Variants in PCDHGA8 observed in about 807,000 individuals in gnomAD.
PCDHGA8 encodes the protein protocadherin gamma subfamily A, 8, also known as protocadherin gamma-A8.
A neutral mutation model predicts 59.2 loss-of-function variants in PCDHGA8; 45 were observed. The ratio of observed to expected loss-of-function variants is 0.76; its 90% CI spans 0.60 to 0.98. PCDHGA8 has a LOEUF of 0.98. Among genes scored for constraint, PCDHGA8 ranks in the 50% least tolerant of loss-of-function variants. The probability of loss-of-function intolerance (pLI) is 0.00; values close to 1 mark genes in which losing one functional copy is unlikely to be tolerated. For missense variants in PCDHGA8, 1,257 were observed against 1,196.2 expected (o/e 1.05, Z -0.75); for synonymous variants, 531 against 519.0 (o/e 1.02, Z -0.32).
intron 1 of PCDHGA8, chr5:141,419,265 C>G: frequency 6.2e-7 from 1 of 1,614,040 alleles, no homozygotes; most frequent in Non-Finnish European, 8.5e-7. Context: ...CAGCCGGGTG[C>G]CTCCATAGCG....
intron 1 of PCDHGA8, among the ~76,000 whole-genome samples, chr5:141,472,042 T>C (rs2099270232): frequency 2.0e-5 from 3 of 152,146 alleles, no homozygotes; most frequent in African/African-American, 7.2e-5. Context: ...TGTGAAAAGA[T>C]TTTAAAAATG....
rs113107293 is a variant in PCDHGA8, at chr5:141,432,844, A to G, written c.2424+37607A>G. ...CAGACCTCACTCTGTACCTGGTGGTAGCGGTGGCCGCGGTCTCCTGCGTCT... is the reference window on the plus strand; with the variant it reads ...CAGACCTCACTCTGTACCTGGTGGTGGCGGTGGCCGCGGTCTCCTGCGTCT... On this transcript the variant is annotated intron_variant, in intron 1 of 3. Coordinates refer to ENST00000398604, the MANE Select transcript of PCDHGA8 (RefSeq NM_032088.2). This position sits in a 1 kb window ranked among gnomAD's most constrained non-coding sequence, Gnocchi z 6.0. 0.01 allele frequency: 16,860 copies of G among 1,614,178 alleles called. 121 individuals carry two copies. Among genetic ancestry groups the G allele is most frequent in the Non-Finnish European group, 0.012 (14,441 of 1,180,006 alleles).
intron 1 of PCDHGA8, chr5:141,428,279 C>A: frequency 2.7e-6 from 2 of 753,232 alleles, no homozygotes; most frequent in South Asian, 3.0e-5. Context: ...CCCTCTGATT[C>A]CCAAGCAAAG....
At chr5:141,414,829 T>C (rs746789783) in intron 1 of PCDHGA8, 18 of 1,614,078 alleles carry the variant, frequency 1.1e-5, no homozygotes, top group Non-Finnish European at 1.5e-5. Context: ...CAACGTGTCG[T>C]TGAGCCTGTT....
At chr5:141,419,528 G>A (rs966922299) in intron 1 of PCDHGA8, 10 of 1,612,056 alleles carry the variant, frequency 6.2e-6, no homozygotes, top group Admixed American at 1.7e-5. Flanking sequence ...CGACCGTAAC[G>A]ACAACGCACC....
At position 141,486,112 on chromosome 5, in the gene PCDHGA8, G is replaced by A; in HGVS notation, c.2425-8695G>A. ...TGGGGCCCCTAGACTTTGAGAGTGA[G>A]AATTACTATGAATTTGATGTGCGGG... On this transcript the variant is annotated intron_variant, in intron 1 of 3. Transcript: ENST00000398604. This position sits in a 1 kb window ranked among gnomAD's most constrained non-coding sequence, Gnocchi z 5.0. 1 of 1,614,166 alleles carries A rather than the reference G, an allele frequency of 6.2e-7. No homozygotes were observed. Among genetic ancestry groups the A allele is most frequent in the Non-Finnish European group, 8.5e-7 (1 of 1,180,024 alleles).
chr5:141,398,832 C>T (rs967769671), intron 1 of PCDHGA8: 3 of 1,614,000 alleles, frequency 1.9e-6, no homozygotes, highest in Non-Finnish European at 1.7e-6. Flanking sequence ...TAACCGACGC[C>T]AATGATAATC....
At chr5:141,456,873 G>A (rs2098894054) in intron 1 of PCDHGA8, among the ~76,000 whole-genome samples, 1 of 152,152 alleles carries the variant, frequency 6.6e-6, no homozygotes, top group Non-Finnish European at 1.5e-5. Context: ...TGAGGCAGGA[G>A]AATCGCTTGA....
At chr5:141,421,894 C>T (rs764642401) in intron 1 of PCDHGA8, 6 of 1,613,586 alleles carry the variant, frequency 3.7e-6, no homozygotes, top group Non-Finnish European at 4.2e-6. Flanking sequence ...CGATCCCATC[C>T]GAAAGGGCGC....
In PCDHGA8 at chr5:141,489,153, G is replaced by C; in HGVS notation, c.2425-5654G>C. Reference sequence around the variant, plus strand: ...TTTAAGAGGCTGGAAGGAGACATAAGAGACTTCAGCTGCTGCATTCCAAGC... The same window carrying C: ...TTTAAGAGGCTGGAAGGAGACATAACAGACTTCAGCTGCTGCATTCCAAGC... On this transcript the variant is annotated intron_variant, in intron 1 of 3. Coordinates refer to ENST00000398604, the MANE Select transcript of PCDHGA8 (RefSeq NM_032088.2). This position sits in a 1 kb window ranked among gnomAD's most constrained non-coding sequence, Gnocchi z 4.5. 1 of 935,832 alleles carries C rather than the reference G, an allele frequency of 1.1e-6. No individual in the cohort carries two copies. Among genetic ancestry groups the C allele is most frequent in the Non-Finnish European group, 1.6e-6 (1 of 627,178 alleles). The allele number at this position is 935,832 out of a possible 1,614,324, so 58.0% of individuals were successfully genotyped here.
At chr5:141,398,550 A>G (rs1390355431) in intron 1 of PCDHGA8, 2 of 1,613,816 alleles carry the variant, frequency 1.2e-6, no homozygotes, top group Non-Finnish European at 1.7e-6. Context: ...TTGAGCTGCA[A>G]ATAAGTGAGT....
intron 1 of PCDHGA8, among the ~76,000 whole-genome samples, chr5:141,454,065 G>A (rs1167102666): frequency 1.3e-5 from 2 of 152,204 alleles, no homozygotes; most frequent in Non-Finnish European, 2.9e-5. Flanking sequence ...AGAAACAAAA[G>A]TGATAATGTT....
chr5:141,432,172 CGTCTCTGTGACCGCCCACGACCCCGA>C lies in PCDHGA8; in HGVS notation c.2424+36936_2424+36961del. 6.2e-7 allele frequency: 1 copy of C among 1,614,152 alleles called. No individual in the cohort carries two copies. Among genetic ancestry groups the C allele is most frequent in the Non-Finnish European group, 8.5e-7 (1 of 1,180,038 alleles). ...AGAACAATCCCAGAGGAGTTTCCCT[CGTCTCTGTGACCGCCCACGACCCCGA>C]CTGTGAAGAGAACGCCCAGATCACT... On this transcript the variant is annotated intron_variant, in intron 1 of 3. Transcript: ENST00000398604. The surrounding 1 kb of genome is among the most constrained non-coding windows in gnomAD (Gnocchi z 6.0).
rs901230493 is a variant in PCDHGA8, at chr5:141,487,514, C to T, written c.2425-7293C>T. 7 of 1,614,150 alleles carry T rather than the reference C, an allele frequency of 4.3e-6. No homozygotes were observed. The highest frequency in any genetic ancestry group is 1.1e-5 in the South Asian group (1 of 91,070). On this transcript the variant is annotated intron_variant, in intron 1 of 3. Transcript: ENST00000398604. The surrounding 1 kb of genome is among the most constrained non-coding windows in gnomAD (Gnocchi z 5.0). Reference sequence around the variant, plus strand: ...TACACCCTTGGCTTCTGCACCCACTCGGAGTGATAGCTTCATGATGGTGAA... The same window carrying T: ...TACACCCTTGGCTTCTGCACCCACTTGGAGTGATAGCTTCATGATGGTGAA...
rs921020435 is a variant in PCDHGA8, at chr5:141,477,853, G to A, written c.2425-16954G>A. 5.0e-6 allele frequency: 8 copies of A among 1,613,344 alleles called. No homozygotes were observed. The East Asian group carries it at 1.6e-4, about 31-fold the overall frequency. On this transcript the variant is annotated intron_variant, in intron 1 of 3. Coordinates refer to ENST00000398604, the MANE Select transcript of PCDHGA8 (RefSeq NM_032088.2). The surrounding 1 kb of genome is among the most constrained non-coding windows in gnomAD (Gnocchi z 4.9). The stretch of plus-strand genomic sequence containing the variant: ...GGCCAGGTGGGAGCTCGGTGGAGAT[G>A]CTGCCTCGAGGTACCTCAGCTGGCC...
At chr5:141,402,882 G>A in intron 1 of PCDHGA8, 1 of 1,479,680 alleles carries the variant, frequency 6.8e-7, no homozygotes, top group South Asian at 1.4e-5. Context: ...TACTTTGCAG[G>A]GTGGAAGAAA....
In PCDHGA8 at chr5:141,486,587, G is replaced by A. The variant is rs2099631441; in HGVS notation, c.2425-8220G>A. 6.2e-7 allele frequency: 1 copy of A among 1,613,478 alleles called. No homozygotes were observed. The highest frequency in any genetic ancestry group is 1.7e-5 in the Admixed American group (1 of 60,014). On this transcript the variant is annotated intron_variant, in intron 1 of 3. Coordinates refer to ENST00000398604, the MANE Select transcript of PCDHGA8 (RefSeq NM_032088.2). The surrounding 1 kb of genome is among the most constrained non-coding windows in gnomAD (Gnocchi z 5.0). ...TGTTCCTGAGAACAATCGCCCAGGGGACCTGCTTTGCTCCCTTGCAGCCTC... is the reference window on the plus strand; with the variant it reads ...TGTTCCTGAGAACAATCGCCCAGGGAACCTGCTTTGCTCCCTTGCAGCCTC...
intron 3 of PCDHGA8, 61 bp downstream of exon 3, chr5:141,505,542 A>G (rs2099846540): frequency 6.2e-7 from 1 of 1,604,832 alleles, no homozygotes; most frequent in African/African-American, 1.3e-5. Context: ...GGTGCATCTC[A>G]CAGCCACCAT....
rs1292277026 is a variant in PCDHGA8 at position 141,489,814 on chromosome 5, CCA to C, written c.2425-4992_2425-4991del. 6 of 1,614,024 alleles carry C rather than the reference CCA, an allele frequency of 3.7e-6. No homozygotes were observed. Among genetic ancestry groups the C allele is most frequent in the Non-Finnish European group, 8.5e-7 (1 of 1,180,004 alleles). ...GACCCTAAAAGATGGGAAGCCATTC[CCA>C]GAGCTGGTGCTAGAGCAGCAGCTGG... On this transcript the variant is annotated intron_variant, in intron 1 of 3. Transcript: ENST00000398604. This position sits in a 1 kb window ranked among gnomAD's most constrained non-coding sequence, Gnocchi z 4.5.
Sources: gnomAD v4.1 joint callset for allele counts (sites outside exome capture counted in the v4.1 genomes callset) on GRCh38, gnomAD v4.1.1 for gene constraint, Gnocchi (gnomAD v3.1) non-coding constraint, MANE v1.5 for transcripts, NCBI Gene and HGNC (gene_info 2026-07-23, HGNC 2026-07-21) for gene names.